Variants in COL14A1 observed in about 807,000 individuals in gnomAD.
COL14A1 encodes collagen type XIV alpha 1 chain.
Under a neutral mutation model 230.3 loss-of-function variants are expected in COL14A1, and 136 were observed. That is an observed-to-expected ratio of 0.59 (90% CI 0.51 to 0.68). COL14A1 has a LOEUF of 0.68. Among genes scored for constraint, COL14A1 ranks in the 30% least tolerant of loss-of-function variants. The pLI, the probability that COL14A1 is intolerant of heterozygous loss-of-function variation, is 0.00. For synonymous variants in COL14A1, 792 were observed against 784.1 expected, an observed-to-expected ratio of 1.01 and a Z score of -0.17; for missense variants, 1,976 against 2,215.8, an observed-to-expected ratio of 0.89 and a Z score of 2.17.
At chr8:120,230,920 T>C (rs1818247602) in intron 18 of COL14A1, among the ~76,000 whole-genome samples, 1 of 152,206 alleles carries the variant, frequency 6.6e-6, no homozygotes, top group Admixed American at 6.5e-5. Context: ...TAAAGGAGTT[T>C]GGACAAGTAC....
intron 36 of COL14A1, among the ~76,000 whole-genome samples, chr8:120,305,632 A>G (rs1820835006): frequency 6.6e-6 from 1 of 152,126 alleles, no homozygotes; most frequent in Non-Finnish European, 1.5e-5. Context: ...GTTGGTTGTA[A>G]TAACTGACCC....
At chr8:120,228,443 T>A (rs1252632375) in intron 17 of COL14A1, among the ~76,000 whole-genome samples, 3 of 152,222 alleles carry the variant, frequency 2.0e-5, no homozygotes, top group African/African-American at 7.2e-5. Flanking sequence ...GGTTTCACAA[T>A]TCTGTAGATG....
At chr8:120,136,959 C>CAAAAA (rs34417716) in intron 1 of COL14A1, among the ~76,000 whole-genome samples, 9 of 62,908 alleles carry the variant, frequency 1.4e-4, no homozygotes, top group African/African-American at 2.1e-4. Context: ...GAGTCTGTCT[C>CAAAAA]AAAAAAAAAA....
chr8:120,370,108 G>A (rs935737066), intron 47 of COL14A1, among the ~76,000 whole-genome samples: 6 of 152,188 alleles, frequency 3.9e-5, no homozygotes, highest in South Asian at 2.1e-4. Flanking sequence ...CTGGCGTGCT[G>A]TGCAATGGCC....
At chr8:120,157,162 A>T in intron 2 of COL14A1, among the ~76,000 whole-genome samples, 1 of 152,158 alleles carries the variant, frequency 6.6e-6, no homozygotes, top group East Asian at 1.9e-4. Flanking sequence ...CATTTTTGTA[A>T]ACTGTCAGAA....
chr8:120,356,783 A>G (rs1201443207), intron 45 of COL14A1, among the ~76,000 whole-genome samples: 1 of 151,780 alleles, frequency 6.6e-6, no homozygotes, highest in Non-Finnish European at 1.5e-5. Flanking sequence ...TTGATTCACC[A>G]TCCCCTGCCT....
At chr8:120,140,144 G>T (rs796673810) in intron 1 of COL14A1, among the ~76,000 whole-genome samples, 1 of 152,264 alleles carries the variant, frequency 6.6e-6, no homozygotes, top group African/African-American at 2.4e-5. Context: ...GCTAGCCAAG[G>T]ACCTATATAT....
Position 120,197,818 on chromosome 8 carries a change from A to T in COL14A1, c.600A>T (p.Ala200=). 6.2e-7 allele frequency: 1 copy of T among 1,611,812 alleles called. No individual in the cohort carries two copies. Among genetic ancestry groups the T allele is most frequent in the Non-Finnish European group, 8.5e-7 (1 of 1,178,638 alleles). ...CCTAATCTTTTTTTCCAGGTCTTGC[A>T]CAGTATAGTGGTGACCCCAGAATAG... ...VGSEKTRIGL[A]QYSGDPRIEW... is the part of the protein sequence containing the mutation. The change falls in exon 7 of 48, where the codon GCA becomes GCT. Residue 200 remains alanine, a synonymous_variant. Coordinates refer to ENST00000297848, the MANE Select transcript of COL14A1 (RefSeq NM_021110.4).
Position 120,247,612 on chromosome 8 carries a change from G to A in COL14A1, c.2480-1G>A. The A allele has an allele frequency of 1.9e-6, 3 of 1,613,730 alleles. No homozygotes were observed. The highest frequency in any genetic ancestry group is 2.5e-6 in the Non-Finnish European group (3 of 1,179,856). On this transcript the variant is annotated splice_acceptor_variant, in intron 20 of 47. Transcript: ENST00000297848. LOFTEE classifies it high-confidence loss of function. ...TGTTTTTCCTTTTCTTTTCTACTCA[G>A]TACCATCCTCGGGGCCCCAGAACTT... is the stretch of plus-strand genomic sequence containing the variant.
intron 31 of COL14A1, among the ~76,000 whole-genome samples, chr8:120,282,050 G>A (rs191800071): frequency 5.0e-4 from 76 of 152,182 alleles, no homozygotes; most frequent in Middle Eastern, 3.4e-3. Flanking sequence ...ATGCTGGTGC[G>A]CTGCACCCAC....
intron 23 of COL14A1, among the ~76,000 whole-genome samples, chr8:120,259,737 A>G (rs1026042779): frequency 3.3e-5 from 5 of 152,206 alleles, no homozygotes; most frequent in Non-Finnish European, 1.5e-5. Flanking sequence ...TGTGACAGAA[A>G]AGTGCATTTC....
intron 19 of COL14A1, among the ~76,000 whole-genome samples, chr8:120,236,624 G>A (rs1818453430): frequency 1.3e-5 from 2 of 152,122 alleles, no homozygotes; most frequent in South Asian, 4.1e-4. Context: ...TACATTTAAG[G>A]TTAATATTGT....
At chr8:120,259,947 C>T (rs1453300922) in intron 23 of COL14A1, among the ~76,000 whole-genome samples, 1 of 152,124 alleles carries the variant, frequency 6.6e-6, no homozygotes, top group African/African-American at 2.4e-5. Context: ...TGGACCTAAG[C>T]AAAGCGAAAC....
chr8:120,277,259 T>C (rs1819883756), intron 26 of COL14A1, among the ~76,000 whole-genome samples: 1 of 152,100 alleles, frequency 6.6e-6, no homozygotes. Flanking sequence ...TTTCCTCAAG[T>C]GTAAAGTGAG....
chr8:120,349,756 C>T (rs2130310221), intron 45 of COL14A1, among the ~76,000 whole-genome samples: 1 of 129,690 alleles, frequency 7.7e-6, no homozygotes. Flanking sequence ...AAATCTACAT[C>T]TGATTGGTTT....
At position 120,310,067 on chromosome 8, in the gene COL14A1, T is replaced by G. The variant is rs1034554397; in HGVS notation, c.4455+5T>G. 1 of 1,612,874 alleles carries G rather than the reference T, an allele frequency of 6.2e-7. No individual in the cohort carries two copies. Among genetic ancestry groups the G allele is most frequent in the Admixed American group, 1.7e-5 (1 of 60,000 alleles). Reference sequence around the variant, plus strand: ...CAAGGTGAACCGGGTCCAAAGGTAATGCGCATGTTTTCTCTCTCTCTCTGT... The same window carrying G: ...CAAGGTGAACCGGGTCCAAAGGTAAGGCGCATGTTTTCTCTCTCTCTCTGT... On this transcript the variant is annotated splice_donor_5th_base_variant and intron_variant, in intron 37 of 47. Transcript: ENST00000297848.
At chr8:120,255,162 C>G in intron 22 of COL14A1, 78 bp from the exon 23 acceptor site, 2 of 1,157,524 alleles carry the variant, frequency 1.7e-6, no homozygotes, top group Non-Finnish European at 2.6e-6. Flanking sequence ...GAAAATTTTT[C>G]CAGAAGTTAA....
At chr8:120,147,134 C>CT (rs1554598019) in intron 1 of COL14A1, among the ~76,000 whole-genome samples, 1 of 151,224 alleles carries the variant, frequency 6.6e-6, no homozygotes, top group Non-Finnish European at 1.5e-5. Context: ...TATACCCTTT[C>CT]TTTTTTCTTC....
rs113573753 is a variant in COL14A1 at position 120,160,804 on chromosome 8, A to G, written c.206-1622A>G. On this transcript the variant is annotated intron_variant, in intron 3 of 47. Coordinates refer to ENST00000297848, the MANE Select transcript of COL14A1 (RefSeq NM_021110.4). Reference sequence around the variant, plus strand: ...GAAAGCATGTTCCATGGTATTCTGTAGGATGCTAATAGCTATTATATAGCT... The same window carrying G: ...GAAAGCATGTTCCATGGTATTCTGTGGGATGCTAATAGCTATTATATAGCT... Among the ~76,000 whole-genome samples, 341 of 152,340 alleles carry G rather than the reference A, an allele frequency of 2.2e-3. 1 individual carries two copies. The highest frequency in any genetic ancestry group is 7.5e-3 in the African/African-American group (313 of 41,582).
Sources: gnomAD v4.1 joint callset for allele counts (sites outside exome capture counted in the v4.1 genomes callset) on GRCh38, gnomAD v4.1.1 for gene constraint, MANE v1.5 for transcripts, NCBI Gene and HGNC (gene_info 2026-07-23, HGNC 2026-07-21) for gene names.